The following KLF12 variants were observed in gnomAD, a reference collection of about 807,000 sequenced individuals.
KLF12 encodes KLF transcription factor 12, also known as Krueppel-like factor 12.
Under a neutral mutation model 37.8 loss-of-function variants are expected in KLF12, and 9 were observed. The ratio of observed to expected loss-of-function variants is 0.24; its 90% CI spans 0.14 to 0.42. The LOEUF (loss-of-function observed/expected upper bound fraction) is 0.42, where lower values mean the gene tolerates loss of function less well. KLF12 is among the 10% of genes least tolerant of loss of function. The pLI is 1.00. For missense variants in KLF12, 411 were observed against 516.0 expected, an observed-to-expected ratio of 0.80 and a Z score of 1.97; for synonymous variants, 208 against 202.1, an observed-to-expected ratio of 1.03 and a Z score of -0.25.
chr13:74,223,764 C>T, the KLF12 span, among the ~76,000 whole-genome samples: 1 of 152,110 alleles, frequency 6.6e-6, no homozygotes, highest in Non-Finnish European at 1.5e-5. Context: ...TGGAGTTTTG[C>T]CTTTATGCTG....
chr13:74,268,849 C>A, the KLF12 span, among the ~76,000 whole-genome samples: 1 of 152,162 alleles, frequency 6.6e-6, no homozygotes, highest in African/African-American at 2.4e-5. Context: ...GAAGCTGAGA[C>A]AGCTATTTGG....
chr13:74,168,002 C>T, the KLF12 span, among the ~76,000 whole-genome samples: 1 of 152,124 alleles, frequency 6.6e-6, no homozygotes, highest in Non-Finnish European at 1.5e-5. Context: ...TACATTTTTA[C>T]AAGAAATCTA....
intron 2 of KLF12, among the ~76,000 whole-genome samples, chr13:73,975,231 G>A (rs943174746): frequency 7.9e-5 from 12 of 152,134 alleles, no homozygotes; most frequent in African/African-American, 2.9e-4. Context: ...TCGTTCTACT[G>A]TATAGAATGA....
chr13:74,126,154 G>A (rs974948126), intron 1 of KLF12, among the ~76,000 whole-genome samples: 11 of 152,060 alleles, frequency 7.2e-5, no homozygotes, highest in African/African-American at 2.4e-4. Flanking sequence ...TAAGTTGTAC[G>A]ATTCAAATAT....
the KLF12 span, among the ~76,000 whole-genome samples, chr13:74,224,412 G>GA: frequency 6.6e-6 from 1 of 151,982 alleles, no homozygotes; most frequent in Non-Finnish European, 1.5e-5. Context: ...TTTCTATATG[G>GA]AAAAAATTTA....
At chr13:73,907,884 A>C (rs773136959) in intron 3 of KLF12, among the ~76,000 whole-genome samples, 1 of 152,104 alleles carries the variant, frequency 6.6e-6, no homozygotes, top group Non-Finnish European at 1.5e-5. Flanking sequence ...CTCTGGCCAC[A>C]TCATCTCCCA....
chr13:73,909,839 T>C (rs1298511528), intron 3 of KLF12, among the ~76,000 whole-genome samples: 1 of 152,212 alleles, frequency 6.6e-6, no homozygotes, highest in Admixed American at 6.5e-5. Context: ...GGAAACATCT[T>C]TAAATTCTTT....
At chr13:73,993,104 G>A (rs184036931) in intron 2 of KLF12, among the ~76,000 whole-genome samples, 306 of 152,206 alleles carry the variant, frequency 2.0e-3, no homozygotes, top group Non-Finnish European at 3.3e-3. Context: ...AACATGGCAC[G>A]CACCTGTAAT....
chr13:74,259,584 T>G, the KLF12 span: 1 of 152,226 alleles, frequency 6.6e-6, no homozygotes, highest in Non-Finnish European at 1.5e-5. Context: ...CATGCCCCTC[T>G]TAAGGTTTTT....
At chr13:73,862,236 C>T (rs1404608134) in intron 3 of KLF12, among the ~76,000 whole-genome samples, 1 of 152,028 alleles carries the variant, frequency 6.6e-6, no homozygotes, top group African/African-American at 2.4e-5. Context: ...ATTAGTTTTA[C>T]AACATGTAAA....
At chr13:74,134,422 G>C (rs992979688), upstream of KLF12, among the ~76,000 whole-genome samples, 17 of 152,026 alleles carry the variant, frequency 1.1e-4, no homozygotes, top group African/African-American at 4.1e-4. Flanking sequence ...GAAATCCCCT[G>C]TGGGAAACTA....
chr13:74,229,157 T>C, the KLF12 span, among the ~76,000 whole-genome samples: 3 of 152,226 alleles, frequency 2.0e-5, no homozygotes, highest in African/African-American at 4.8e-5. Context: ...TATAATTATG[T>C]TGCCATTTCT....
At chr13:74,130,070 T>C (rs914871468) in intron 1 of KLF12, among the ~76,000 whole-genome samples, 1 of 152,236 alleles carries the variant, frequency 6.6e-6, no homozygotes. Context: ...CTTCTGGGCA[T>C]AGGGCAAGGC....
the KLF12 span, among the ~76,000 whole-genome samples, chr13:74,174,717 G>A: frequency 2.6e-5 from 4 of 152,276 alleles, no homozygotes; most frequent in African/African-American, 7.2e-5. Context: ...TTCCAGCCAC[G>A]TCTCTCAGTG....
chr13:74,214,233 A>G, the KLF12 span, among the ~76,000 whole-genome samples: 1 of 152,144 alleles, frequency 6.6e-6, no homozygotes, highest in African/African-American at 2.4e-5. Context: ...ATGTTTTATC[A>G]ATTCTGCCCC....
At chr13:74,290,346 C>CT in the KLF12 span, among the ~76,000 whole-genome samples, 1 of 152,234 alleles carries the variant, frequency 6.6e-6, no homozygotes, top group African/African-American at 2.4e-5. Context: ...ATTCCAGCAG[C>CT]TATTATCCCT....
At chr13:73,849,575 CGA>C (rs1566415170) in intron 3 of KLF12, among the ~76,000 whole-genome samples, 3 of 151,644 alleles carry the variant, frequency 2.0e-5, no homozygotes, top group African/African-American at 7.3e-5. Flanking sequence ...TTAGAGAAAG[CGA>C]GAGGAGATAC....
rs76470212 is a variant in KLF12, at chr13:74,029,542, G to T, written c.-31-34489C>A. Among the ~76,000 whole-genome samples, 801 of 152,062 alleles carry T rather than the reference G, an allele frequency of 5.3e-3. 8 individuals are homozygous for T. Among genetic ancestry groups the T allele is most frequent in the African/African-American group, 0.018 (752 of 41,498 alleles). On this transcript the variant is annotated intron_variant, in intron 1 of 7. Coordinates refer to ENST00000377669, the MANE Select transcript of KLF12 (RefSeq NM_007249.5). ...TATACTGGATCACATAAATCTTTACGGTTCTCTGTAGTGTTTAAGTCACCA... is the reference window on the plus strand; with the variant it reads ...TATACTGGATCACATAAATCTTTACTGTTCTCTGTAGTGTTTAAGTCACCA...
chr13:74,209,899 A>C, the KLF12 span, among the ~76,000 whole-genome samples: 31 of 152,232 alleles, frequency 2.0e-4, no homozygotes, highest in African/African-American at 7.5e-4. Context: ...GATAAGAATC[A>C]GGCTATAAAG....
Sources: gnomAD v4.1 joint callset for allele counts (sites outside exome capture counted in the v4.1 genomes callset) on GRCh38, gnomAD v4.1.1 for gene constraint, MANE v1.5 for transcripts, NCBI Gene and HGNC (gene_info 2026-07-23, HGNC 2026-07-21) for gene names.